Variants in PPARA observed in about 807,000 individuals in gnomAD.
PPARA encodes the protein peroxisome proliferator-activated receptor alpha.
In PPARA, 22 loss-of-function variants were observed where a neutral mutation model predicts 42.2. The observed-to-expected ratio is 0.52, with a 90% confidence interval of 0.37 to 0.74. The LOEUF is 0.74. PPARA is among the 30% of genes least tolerant of loss of function. The probability of loss-of-function intolerance (pLI) is 0.00; values close to 1 mark genes in which losing one functional copy is unlikely to be tolerated. For missense variants in PPARA, 465 were observed against 608.2 expected (o/e 0.76, Z 2.48); for synonymous variants, 242 against 239.3 (o/e 1.01, Z -0.10).
rs1294525273 is a variant in PPARA at position 46,242,279 on chromosome 22, T to C, written c.*6899T>C. 2.0e-5 allele frequency: 3 copies of C among 152,628 alleles called. No individual in the cohort carries two copies. Among genetic ancestry groups the C allele is most frequent in the Non-Finnish European group, 4.4e-5 (3 of 68,036 alleles). 9.5% of individuals were successfully genotyped at this position (152,628 alleles called of 1,614,324 possible). A position where few individuals can be genotyped will look rare whatever the true frequency, so the allele number is the denominator to read the frequency against. ...TCCCCGGACCCCCAGGCCTTGGCTGTGCCTCAAGTCAGAGAGGGTCAGCCT... is the reference window on the plus strand; with the variant it reads ...TCCCCGGACCCCCAGGCCTTGGCTGCGCCTCAAGTCAGAGAGGGTCAGCCT... On this transcript the variant is annotated 3_prime_UTR_variant, in exon 9 of 9. Transcript: ENST00000407236. This position sits in a 1 kb window ranked among gnomAD's most constrained non-coding sequence, Gnocchi z 6.1.
intron 7 of PPARA, chr22:46,220,315 A>C: frequency 2.5e-6 from 1 of 402,352 alleles, no homozygotes; most frequent in Admixed American, 3.7e-5. Context: ...ATTTCTTAGG[A>C]GCATTTTTTC....
chr22:46,196,298 G>T lies in PPARA; in HGVS notation c.-42-2044G>T, dbSNP rs924772142. ...CCATTGTCTGGGACTCACCCAGTTAGATTTGTTTGGACTCCACAAAGTATT... is the reference window on the plus strand; with the variant it reads ...CCATTGTCTGGGACTCACCCAGTTATATTTGTTTGGACTCCACAAAGTATT... On this transcript the variant is annotated intron_variant, in intron 3 of 8. Coordinates refer to ENST00000407236, the MANE Select transcript of PPARA (RefSeq NM_005036.6). This position sits in a 1 kb window ranked among gnomAD's most constrained non-coding sequence, Gnocchi z 5.6. Among the ~76,000 whole-genome samples the T allele has an allele frequency of 3.9e-5, 6 of 152,196 alleles. No individual in the cohort carries two copies. The highest frequency in any genetic ancestry group is 1.4e-4 in the African/African-American group (6 of 41,444).
intron 4 of PPARA, among the ~76,000 whole-genome samples, chr22:46,199,378 A>G (rs983446215): frequency 1.1e-4 from 17 of 152,326 alleles, no homozygotes; most frequent in African/African-American, 4.1e-4. Context: ...CACGCCTATA[A>G]TCCCAGCACT....
At position 46,180,301 on chromosome 22, in the gene PPARA, T is replaced by C. The variant is rs1929763932; in HGVS notation, c.-43+3465T>C. 6.6e-6 allele frequency among the ~76,000 whole-genome samples: 1 copy of C among 150,860 alleles called. No individual in the cohort carries two copies. Among genetic ancestry groups the C allele is most frequent in the Admixed American group, 6.7e-5 (1 of 14,982 alleles). ...TCCCAATGAATTAGAAAAATAATAATAAAGGTAACAATAGCAGTAATAATA... is the reference window on the plus strand; with the variant it reads ...TCCCAATGAATTAGAAAAATAATAACAAAGGTAACAATAGCAGTAATAATA... On this transcript the variant is annotated intron_variant, in intron 3 of 8. Coordinates refer to ENST00000407236, the MANE Select transcript of PPARA (RefSeq NM_005036.6). This position sits in a 1 kb window ranked among gnomAD's most constrained non-coding sequence, Gnocchi z 4.2.
chr22:46,187,867 T>A lies in PPARA; in HGVS notation c.-42-10475T>A, dbSNP rs1393981515. 6.6e-6 allele frequency among the ~76,000 whole-genome samples: 1 copy of A among 152,250 alleles called. No individual in the cohort carries two copies. Among genetic ancestry groups the A allele is most frequent in the Non-Finnish European group, 1.5e-5 (1 of 68,040 alleles). On this transcript the variant is annotated intron_variant, in intron 3 of 8. Transcript: ENST00000407236. This position sits in a 1 kb window ranked among gnomAD's most constrained non-coding sequence, Gnocchi z 4.9. ...TCTTGGATCTGGCTTGCCTTGTGAC[T>A]TGCTTTGACCCACAGAACGTAACAG...
At chr22:46,175,965 G>A (rs1235536217) in intron 2 of PPARA, 1 of 151,896 alleles carries the variant, frequency 6.6e-6, no homozygotes, top group Non-Finnish European at 1.5e-5. Context: ...CAGGTTTCTT[G>A]GTTTTCTGGT....
rs58068079 is a variant in PPARA, at chr22:46,206,270, T to TTG, written c.208+7699_208+7700dup. On this transcript the variant is annotated intron_variant, in intron 4 of 8. Transcript: ENST00000407236. ...GCATGCACCACCACGCCCGGCTAAT[T>TTG]TGTGTGTGTGTGTGTGTGTGTATTT... Among the ~76,000 whole-genome samples the TTG allele has an allele frequency of 3.8e-3, 579 of 150,434 alleles. 2 individuals carry two copies. Among genetic ancestry groups the TTG allele is most frequent in the East Asian group, 6.3e-3 (32 of 5,100 alleles).
In PPARA at chr22:46,182,890, A is replaced by G. The variant is rs1259915207; in HGVS notation, c.-43+6054A>G. On this transcript the variant is annotated intron_variant, in intron 3 of 8. Coordinates refer to ENST00000407236, the MANE Select transcript of PPARA (RefSeq NM_005036.6). The surrounding 1 kb of genome is among the most constrained non-coding windows in gnomAD (Gnocchi z 5.2). ...CTCCCAAGTAGCTGAGACTACAGGC[A>G]TACGCCACCATGCCCAGCTAATTTT... Among the ~76,000 whole-genome samples the G allele has an allele frequency of 6.6e-6, 1 of 152,110 alleles. No individual in the cohort carries two copies. The highest frequency in any genetic ancestry group is 2.1e-4 in the South Asian group (1 of 4,826).
At chr22:46,178,967 T>C (rs574718835) in intron 3 of PPARA, among the ~76,000 whole-genome samples, 4 of 152,266 alleles carry the variant, frequency 2.6e-5, no homozygotes, top group African/African-American at 7.2e-5. Context: ...GTGAGATAGA[T>C]TGGAATCTCA....
Position 46,156,788 on chromosome 22 carries a change from G to A in PPARA, c.-127+4818G>A, listed in dbSNP as rs572072271. Among the ~76,000 whole-genome samples the A allele has an allele frequency of 3.9e-5, 6 of 152,188 alleles. No individual in the cohort carries two copies. Among genetic ancestry groups the A allele is most frequent in the African/African-American group, 7.2e-5 (3 of 41,432 alleles). ...AGCTAATTTTTGTATTTTTAGTAGA[G>A]ATGGAGTTTCACCATGTTGGCCAGG... On this transcript the variant is annotated intron_variant, in intron 2 of 8. Coordinates refer to ENST00000407236, the MANE Select transcript of PPARA (RefSeq NM_005036.6). The surrounding 1 kb of genome is among the most constrained non-coding windows in gnomAD (Gnocchi z 5.2).
rs904294819 is a variant in PPARA at position 46,215,204 on chromosome 22, G to C, written c.240G>C (p.Ser80=). ...TTTCACCAGCTTCGAGCCCCTCCTC[G>C]GTGACTTATCCTGTGGTCCCCGGCA... ...DTLSPASSPS[S]VTYPVVPGSV... Residue 80 remains serine (S), a synonymous_variant, in exon 5 of 9, where the codon TCG becomes TCC. Coordinates refer to ENST00000407236, the MANE Select transcript of PPARA (RefSeq NM_005036.6). The C allele has an allele frequency of 2.5e-6, 4 of 1,613,874 alleles. No individual in the cohort carries two copies. In the African/African-American group the frequency reaches 4.0e-5, roughly 16 times the overall value.
At chr22:46,207,384 C>A (rs565640070) in intron 4 of PPARA, among the ~76,000 whole-genome samples, 2 of 148,824 alleles carry the variant, frequency 1.3e-5, no homozygotes, top group South Asian at 4.3e-4. Context: ...CAGGTTCACA[C>A]CATTCTCCTG....
rs935927724 is a variant in PPARA, at chr22:46,233,554, C to T, written c.1159+1315C>T. Among the ~76,000 whole-genome samples, 2 of 152,196 alleles carry T rather than the reference C, an allele frequency of 1.3e-5. No homozygotes were observed. On this transcript the variant is annotated intron_variant, in intron 8 of 8. Transcript: ENST00000407236. The surrounding 1 kb of genome is among the most constrained non-coding windows in gnomAD (Gnocchi z 7.3). ...CGTTACTGTGTGGCTGGGCACAAGT[C>T]AGATGAAGGAAGTCCTTGCGCTCTG...
chr22:46,176,643 A>C (rs1485182752), intron 2 of PPARA, 110 bp from the exon 3 acceptor site: 1 of 152,162 alleles, frequency 6.6e-6, no homozygotes, highest in Non-Finnish European at 1.5e-5. Context: ...GCTTTTAGGG[A>C]AAAAAGTATA....
chr22:46,218,191 A>T, intron 5 of PPARA, 72 bp from the exon 6 acceptor site: 1 of 1,570,644 alleles, frequency 6.4e-7, no homozygotes, highest in Non-Finnish European at 8.7e-7. Flanking sequence ...GCAACAAAAA[A>T]GGTGAGTAAA....
chr22:46,208,866 G>C (rs895740739), intron 4 of PPARA, among the ~76,000 whole-genome samples: 3 of 151,978 alleles, frequency 2.0e-5, no homozygotes, highest in Non-Finnish European at 4.4e-5. Flanking sequence ...GTTGCAAATG[G>C]AATTTCCTTC....
chr22:46,169,448 A>G (rs574464415), intron 2 of PPARA, among the ~76,000 whole-genome samples: 1 of 151,750 alleles, frequency 6.6e-6, no homozygotes, highest in Non-Finnish European at 1.5e-5. Flanking sequence ...GCTAGCCAGG[A>G]TGGTCTTGAT....
chr22:46,156,652 A>T lies in PPARA; in HGVS notation c.-127+4682A>T, dbSNP rs531055518. The T allele has an allele frequency of 4.6e-5, 7 of 152,390 alleles. No individual in the cohort carries two copies. The highest frequency in any genetic ancestry group is 1.7e-4 in the African/African-American group (7 of 41,580). The allele number at this position is 152,390 out of a possible 1,614,324, so 9.4% of individuals were successfully genotyped here. On this transcript the variant is annotated intron_variant, in intron 2 of 8. Transcript: ENST00000407236. The surrounding 1 kb of genome is among the most constrained non-coding windows in gnomAD (Gnocchi z 5.2). ...AGTCTCACTCTGTCACCCAGGCTGCAGTGCAGTGGCACAATCTTGGCTCAC... is the reference window on the plus strand; with the variant it reads ...AGTCTCACTCTGTCACCCAGGCTGCTGTGCAGTGGCACAATCTTGGCTCAC...
In PPARA at chr22:46,236,444, G is replaced by A. The variant is rs1936207099; in HGVS notation, c.*1064G>A. ...ATAAGCTAGCACCCGTGGTAAGCGGGACGAGACAAGCTCCCGAAGCCCGCC... is the reference window on the plus strand; with the variant it reads ...ATAAGCTAGCACCCGTGGTAAGCGGAACGAGACAAGCTCCCGAAGCCCGCC... On this transcript the variant is annotated 3_prime_UTR_variant, in exon 9 of 9. Coordinates refer to ENST00000407236, the MANE Select transcript of PPARA (RefSeq NM_005036.6). This position sits in a 1 kb window ranked among gnomAD's most constrained non-coding sequence, Gnocchi z 5.2. 2 of 152,608 alleles carry A rather than the reference G, an allele frequency of 1.3e-5. No homozygotes were observed. Among genetic ancestry groups the A allele is most frequent in the Non-Finnish European group, 2.9e-5 (2 of 68,072 alleles). The allele number at this position is 152,608 out of a possible 1,614,324, so 9.5% of individuals were successfully genotyped here. A position where few individuals can be genotyped will look rare whatever the true frequency, so the allele number is the denominator to read the frequency against.
Sources: gnomAD v4.1 joint callset for allele counts (sites outside exome capture counted in the v4.1 genomes callset) on GRCh38, gnomAD v4.1.1 for gene constraint, Gnocchi (gnomAD v3.1) non-coding constraint, MANE v1.5 for transcripts, NCBI Gene and HGNC (gene_info 2026-07-23, HGNC 2026-07-21) for gene names.